The following NAV3 variants were observed in gnomAD, a reference collection of about 807,000 sequenced individuals.
NAV3 encodes pore membrane and/or filament interacting like protein 1.
NAV3 carries 87 observed loss-of-function variants against 244.7 expected under a neutral mutation model. That is an observed-to-expected ratio of 0.36 (90% CI 0.30 to 0.42). The LOEUF (loss-of-function observed/expected upper bound fraction) is 0.42. Among genes scored for constraint, NAV3 ranks in the 20% least tolerant of loss-of-function variants. NAV3 has a pLI of 1.00. For synonymous variants in NAV3, 1,126 were observed against 1,042.2 expected, an observed-to-expected ratio of 1.08 and a Z score of -1.55; for missense variants, 2,663 against 2,893.3, an observed-to-expected ratio of 0.92 and a Z score of 1.83.
At chr12:77,735,710 T>G (rs1292275189) in intron 2 of NAV3, among the ~76,000 whole-genome samples, 1 of 152,214 alleles carries the variant, frequency 6.6e-6, no homozygotes, top group Non-Finnish European at 1.5e-5. Context: ...GGGATTTTAC[T>G]TTAAAATTGG....
At chr12:77,637,418 GAACATAATTTCTAATACTGA>G (rs1428156065) in intron 2 of NAV3, among the ~76,000 whole-genome samples, 1 of 152,034 alleles carries the variant, frequency 6.6e-6, no homozygotes, top group Non-Finnish European at 1.5e-5. Flanking sequence ...GGGCTAAACT[GAACATAATTTCTAATACTGA>G]AACATAATAT....
intron 9 of NAV3, among the ~76,000 whole-genome samples, chr12:78,040,428 C>A (rs1359492088): frequency 6.6e-6 from 1 of 151,700 alleles, no homozygotes; most frequent in Non-Finnish European, 1.5e-5. Context: ...TTAGAAGAAT[C>A]CAAGGATCTA....
At chr12:78,151,369 G>C (rs571144258) in intron 22 of NAV3, among the ~76,000 whole-genome samples, 51 of 151,926 alleles carry the variant, frequency 3.4e-4, no homozygotes, top group Admixed American at 1.2e-3. Context: ...GCCAAAGAAA[G>C]GAAACAACCA....
chr12:77,594,611 G>A (rs1870084184), intron 2 of NAV3, among the ~76,000 whole-genome samples: 1 of 152,178 alleles, frequency 6.6e-6, no homozygotes, highest in African/African-American at 2.4e-5. Flanking sequence ...ATGACAACAG[G>A]CGAGTGAGTC....
At chr12:78,190,641 A>C (rs1017617619) in intron 34 of NAV3, among the ~76,000 whole-genome samples, 1 of 152,090 alleles carries the variant, frequency 6.6e-6, no homozygotes, top group African/African-American at 2.4e-5. Flanking sequence ...TGGGTTTTGC[A>C]GGAATGGAGA....
chr12:77,941,472 G>T (rs1185184667), intron 3 of NAV3, among the ~76,000 whole-genome samples: 1 of 152,116 alleles, frequency 6.6e-6, no homozygotes, highest in Non-Finnish European at 1.5e-5. Context: ...TAAAGAACAG[G>T]CTTTGCCATG....
chr12:78,061,171 G>A (rs1884270746), intron 12 of NAV3, among the ~76,000 whole-genome samples: 1 of 152,166 alleles, frequency 6.6e-6, no homozygotes, highest in Non-Finnish European at 1.5e-5. Context: ...GTAAGGCCTG[G>A]TAATCTGAGC....
At chr12:78,032,885 T>C (rs1879232639) in intron 9 of NAV3, among the ~76,000 whole-genome samples, 1 of 152,180 alleles carries the variant, frequency 6.6e-6, no homozygotes, top group Non-Finnish European at 1.5e-5. Context: ...AGTTTTTCAA[T>C]TTTTCTTCTA....
chr12:77,738,274 A>C (rs998233454), intron 2 of NAV3, among the ~76,000 whole-genome samples: 1 of 152,144 alleles, frequency 6.6e-6, no homozygotes, highest in East Asian at 1.9e-4. Context: ...CAGTTAGTGG[A>C]GTGAAAATGC....
chr12:77,917,499 C>A (rs533323776), intron 1 of NAV3, among the ~76,000 whole-genome samples: 1 of 152,108 alleles, frequency 6.6e-6, no homozygotes, highest in Admixed American at 6.6e-5. Flanking sequence ...AGGGTTATTT[C>A]TCTGCTTAAG....
At chr12:77,970,229 A>T (rs1339318363) in intron 5 of NAV3, among the ~76,000 whole-genome samples, 1 of 152,194 alleles carries the variant, frequency 6.6e-6, no homozygotes, top group Non-Finnish European at 1.5e-5. Flanking sequence ...TAAATATTTA[A>T]CTTTGTCCAC....
intron 1 of NAV3, among the ~76,000 whole-genome samples, chr12:77,844,446 C>T (rs1471185456): frequency 6.6e-6 from 1 of 152,162 alleles, no homozygotes; most frequent in African/African-American, 2.4e-5. Context: ...ACATTCAGAC[C>T]ATAGCAATGC....
intron 1 of NAV3, among the ~76,000 whole-genome samples, chr12:77,869,361 A>C (rs1319606435): frequency 1.3e-5 from 2 of 152,226 alleles, no homozygotes. Flanking sequence ...TTTGAATTGA[A>C]AAATGTGTTA....
chr12:77,593,269 T>C (rs1234396446), intron 2 of NAV3, among the ~76,000 whole-genome samples: 1 of 46,294 alleles, frequency 2.2e-5, no homozygotes, highest in African/African-American at 7.9e-5. Context: ...TATGAGTGTG[T>C]GTATGTGTGT....
At chr12:77,871,477 C>T (rs996953482) in intron 1 of NAV3, among the ~76,000 whole-genome samples, 1 of 152,134 alleles carries the variant, frequency 6.6e-6, no homozygotes, top group Non-Finnish European at 1.5e-5. Context: ...GCAATGTTCC[C>T]CTCCCTGTGT....
chr12:78,131,373 T>G (rs1365919915), intron 18 of NAV3, among the ~76,000 whole-genome samples: 1 of 152,204 alleles, frequency 6.6e-6, no homozygotes, highest in Admixed American at 6.5e-5. Flanking sequence ...TGCCAAAGAA[T>G]GTATAGCTTT....
intron 19 of NAV3, among the ~76,000 whole-genome samples, 190 bp downstream of exon 19, chr12:78,137,555 G>T (rs1041924126): frequency 2.0e-5 from 3 of 151,532 alleles, no homozygotes; most frequent in South Asian, 2.1e-4. Flanking sequence ...TTGGAAATAT[G>T]CCAGAATTTG....
At chr12:77,992,215 T>A (rs534265091) in intron 5 of NAV3, among the ~76,000 whole-genome samples, 1 of 152,198 alleles carries the variant, frequency 6.6e-6, no homozygotes, top group Non-Finnish European at 1.5e-5. Context: ...ATTCAAATAT[T>A]CGATTCTGAA....
At chr12:78,073,769 C>G (rs1952903389) in intron 12 of NAV3, among the ~76,000 whole-genome samples, 1 of 152,140 alleles carries the variant, frequency 6.6e-6, no homozygotes, top group South Asian at 2.1e-4. Flanking sequence ...CTGGAGGCAT[C>G]ACACTACCTG....
Sources: gnomAD v4.1 joint callset for allele counts (sites outside exome capture counted in the v4.1 genomes callset) on GRCh38, gnomAD v4.1.1 for gene constraint, MANE v1.5 for transcripts, NCBI Gene and HGNC (gene_info 2026-07-23, HGNC 2026-07-21) for gene names.